Variants in ADAMTS18 observed in about 807,000 individuals in gnomAD.
The protein encoded by ADAMTS18 is A disintegrin and metalloproteinase with thrombospondin motifs 18.
A neutral mutation model predicts 165.9 loss-of-function variants in ADAMTS18; 157 were observed. That is an observed-to-expected ratio of 0.95 (90% confidence interval 0.83 to 1.08). ADAMTS18 has a LOEUF of 1.08. Among genes scored for constraint, ADAMTS18 ranks in the 50% least tolerant of loss-of-function variants. The pLI is 0.00. For synonymous variants in ADAMTS18, 782 were observed against 578.2 expected (o/e 1.35, Z -5.06); for missense variants, 2,040 against 1,534.0 (o/e 1.33, Z -5.51).
intron 16 of ADAMTS18, among the ~76,000 whole-genome samples, chr16:77,316,085 G>T (rs1337178852): frequency 1.3e-5 from 2 of 152,046 alleles, no homozygotes; most frequent in African/African-American, 4.8e-5. Context: ...AACTTTTCTA[G>T]CTTCCAGTTC....
At chr16:77,300,589 C>T (rs574265867) in intron 16 of ADAMTS18, among the ~76,000 whole-genome samples, 185 bp from the exon 17 acceptor site, 2 of 152,192 alleles carry the variant, frequency 1.3e-5, no homozygotes, top group African/African-American at 4.8e-5. Flanking sequence ...AAATGTGTCC[C>T]TTCATGTTAT....
At chr16:77,337,317 C>T (rs1431653883) in intron 11 of ADAMTS18, among the ~76,000 whole-genome samples, 1 of 152,142 alleles carries the variant, frequency 6.6e-6, no homozygotes, top group East Asian at 1.9e-4. Context: ...TTACAATAGC[C>T]AATAACAGTA....
intron 16 of ADAMTS18, among the ~76,000 whole-genome samples, chr16:77,309,936 T>C (rs1294186550): frequency 1.3e-5 from 2 of 152,236 alleles, no homozygotes; most frequent in Non-Finnish European, 2.9e-5. Flanking sequence ...AAATGCATTT[T>C]AGGAGATCAA....
intron 3 of ADAMTS18, among the ~76,000 whole-genome samples, chr16:77,379,303 A>C (rs1325331426): frequency 6.6e-6 from 1 of 152,188 alleles, no homozygotes; most frequent in African/African-American, 2.4e-5. Context: ...ACTGAAAAGC[A>C]GCAACAATCT....
At chr16:77,346,778 C>T (rs1477813126) in intron 10 of ADAMTS18, among the ~76,000 whole-genome samples, 1 of 152,152 alleles carries the variant, frequency 6.6e-6, no homozygotes, top group African/African-American at 2.4e-5. Context: ...GTAGGAGTCA[C>T]CAAGAATTGC....
At chr16:77,341,947 C>G (rs1214295457) in intron 10 of ADAMTS18, 148 bp from the exon 11 acceptor site, 3 of 655,984 alleles carry the variant, frequency 4.6e-6, no homozygotes, top group Admixed American at 5.1e-5. Flanking sequence ...GTTGGCAACA[C>G]CAAAGTTAAT....
At chr16:77,410,539 C>T (rs1182849481) in intron 3 of ADAMTS18, among the ~76,000 whole-genome samples, 1 of 152,112 alleles carries the variant, frequency 6.6e-6, no homozygotes, top group Non-Finnish European at 1.5e-5. Flanking sequence ...CATCCCTAAT[C>T]CTATCTTCAA....
intron 16 of ADAMTS18, among the ~76,000 whole-genome samples, chr16:77,317,084 C>G (rs916244282): frequency 5.9e-5 from 9 of 152,132 alleles, no homozygotes; most frequent in African/African-American, 2.2e-4. Context: ...AATTCCTCAC[C>G]AACTCTCTAA....
chr16:77,382,477 T>A (rs1415722841), intron 3 of ADAMTS18, among the ~76,000 whole-genome samples: 1 of 152,238 alleles, frequency 6.6e-6, no homozygotes, highest in Non-Finnish European at 1.5e-5. Context: ...CCCAAAGTGC[T>A]GGGATTACAG....
intron 3 of ADAMTS18, among the ~76,000 whole-genome samples, chr16:77,411,597 C>A (rs1254196046): frequency 2.0e-5 from 3 of 149,238 alleles, no homozygotes; most frequent in African/African-American, 7.4e-5. Context: ...GGTGCAAAGT[C>A]AACTTTACCA....
At chr16:77,380,136 A>G (rs976160517) in intron 3 of ADAMTS18, among the ~76,000 whole-genome samples, 2 of 152,190 alleles carry the variant, frequency 1.3e-5, no homozygotes, top group Non-Finnish European at 2.9e-5. Context: ...CTCAAAATGA[A>G]TTATCCTTTC....
chr16:77,431,224 G>A, intron 3 of ADAMTS18, 71 bp downstream of exon 3: 1 of 1,530,384 alleles, frequency 6.5e-7, no homozygotes, highest in Non-Finnish European at 9.1e-7. Flanking sequence ...CATTTATATT[G>A]CAGACATCTG....
chr16:77,289,273 C>A lies in ADAMTS18; in HGVS notation c.3541G>T (p.Glu1181Ter). 6.2e-7 allele frequency: 1 copy of A among 1,614,084 alleles called. No individual in the cohort carries two copies. The highest frequency in any genetic ancestry group is 1.6e-4 in the Middle Eastern group (1 of 6,062). ...CATGGTGCCTTTTTACCTCTCTTTT[C>A]AGGAGCTGGACAGAAGTTTGTATTA... ...ACNTNFCPAP[E>*]KREDPSCVDF... Residue 1181 changes from glutamate to a stop codon, truncating the protein, a stop_gained, in exon 22 of 23, where the codon GAA becomes TAA. Coordinates refer to ENST00000282849, the MANE Select transcript of ADAMTS18 (RefSeq NM_199355.4). LOFTEE classifies it high-confidence loss of function.
intron 16 of ADAMTS18, among the ~76,000 whole-genome samples, chr16:77,319,515 C>CA (rs1214947362): frequency 6.6e-6 from 1 of 152,160 alleles, no homozygotes; most frequent in African/African-American, 2.4e-5. Flanking sequence ...CATCTTGGCT[C>CA]ACTGCAACTT....
chr16:77,403,865 T>C (rs1169473931), intron 3 of ADAMTS18, among the ~76,000 whole-genome samples: 1 of 152,050 alleles, frequency 6.6e-6, no homozygotes, highest in Admixed American at 6.6e-5. Context: ...GCCATGCAAG[T>C]ACAAAACAAA....
intron 3 of ADAMTS18, among the ~76,000 whole-genome samples, chr16:77,405,581 G>C (rs1222929196): frequency 6.6e-6 from 1 of 152,198 alleles, no homozygotes; most frequent in African/African-American, 2.4e-5. Context: ...GGGAGATCTT[G>C]AGTGATTAAC....
intron 3 of ADAMTS18, among the ~76,000 whole-genome samples, chr16:77,427,831 A>C (rs2057692475): frequency 6.6e-6 from 1 of 152,220 alleles, no homozygotes; most frequent in South Asian, 2.1e-4. Context: ...CAAATATTTC[A>C]AACAGGTTAA....
intron 20 of ADAMTS18, among the ~76,000 whole-genome samples, chr16:77,292,189 G>A (rs2055376858): frequency 6.6e-6 from 1 of 152,172 alleles, no homozygotes; most frequent in Admixed American, 6.5e-5. Context: ...AGTGGTGCAT[G>A]CCTCTAGTCC....
At chr16:77,411,677 ATTTTTTTTTT>A (rs34453966) in intron 3 of ADAMTS18, among the ~76,000 whole-genome samples, 2 of 73,860 alleles carry the variant, frequency 2.7e-5, no homozygotes, top group South Asian at 5.8e-4. Context: ...AGTATCCAGA[ATTTTTTTTTT>A]TTTTTTTTTT....
Sources: gnomAD v4.1 joint callset for allele counts (sites outside exome capture counted in the v4.1 genomes callset) on GRCh38, gnomAD v4.1.1 for gene constraint, MANE v1.5 for transcripts, NCBI Gene and HGNC (gene_info 2026-07-23, HGNC 2026-07-21) for gene names.